GPC5: variants seen among roughly 807,000 people sequenced by gnomAD.
GPC5 encodes the protein glypican-5.
A neutral mutation model predicts 53.9 loss-of-function variants in GPC5; 47 were observed. That is an observed-to-expected ratio of 0.87 (90% confidence interval 0.69 to 1.11). The LOEUF (loss-of-function observed/expected upper bound fraction) is 1.11, where lower values mean the gene tolerates loss of function less well. GPC5 is among the 50% of genes most tolerant of loss of function. The probability of loss-of-function intolerance (pLI) is 0.00; values close to 1 mark genes in which losing one functional copy is unlikely to be tolerated. For synonymous variants in GPC5, 286 were observed against 263.3 expected (o/e 1.09, Z -0.84); for missense variants, 748 against 713.1 (o/e 1.05, Z -0.56).
chr13:92,751,081 T>A (rs1889375677), intron 7 of GPC5, among the ~76,000 whole-genome samples: 1 of 151,890 alleles, frequency 6.6e-6, no homozygotes, highest in African/African-American at 2.4e-5. Context: ...CATGAAAAAT[T>A]GATATATATA....
chr13:91,478,104 T>C (rs141119250), intron 2 of GPC5, among the ~76,000 whole-genome samples: 253 of 152,220 alleles, frequency 1.7e-3, no homozygotes, highest in African/African-American at 5.8e-3. Flanking sequence ...AAATTGTCGT[T>C]AGTTTTTTTT....
At chr13:92,849,058 T>A (rs1878705199) in intron 7 of GPC5, among the ~76,000 whole-genome samples, 1 of 151,990 alleles carries the variant, frequency 6.6e-6, no homozygotes, top group African/African-American at 2.4e-5. Context: ...TAAGATCTTG[T>A]TGACCCAAGG....
At chr13:92,382,968 A>G (rs989301903) in intron 7 of GPC5, among the ~76,000 whole-genome samples, 34 of 146,778 alleles carry the variant, frequency 2.3e-4, no homozygotes, top group Non-Finnish European at 1.0e-4. Context: ...GTGCCACTGC[A>G]CTCCAGCCTG....
intron 7 of GPC5, among the ~76,000 whole-genome samples, chr13:92,264,825 CT>C (rs964493122): frequency 6.1e-5 from 9 of 148,132 alleles, no homozygotes; most frequent in Admixed American, 3.4e-4. Context: ...ATTATTGAAA[CT>C]TTTTTTTGTG....
At chr13:91,461,664 A>G (rs911915187) in intron 2 of GPC5, among the ~76,000 whole-genome samples, 13 of 152,122 alleles carry the variant, frequency 8.5e-5, no homozygotes, top group Non-Finnish European at 1.3e-4. Context: ...TTATTTATTT[A>G]TGGAGGATAT....
At chr13:91,697,341 C>T (rs2035900292) in intron 3 of GPC5, among the ~76,000 whole-genome samples, 1 of 152,224 alleles carries the variant, frequency 6.6e-6, no homozygotes, top group South Asian at 2.1e-4. Context: ...TGGGGTTTCA[C>T]TGTATTGGAC....
chr13:91,791,812 ATG>A (rs1349515700), intron 5 of GPC5, among the ~76,000 whole-genome samples: 3 of 152,162 alleles, frequency 2.0e-5, no homozygotes, highest in Admixed American at 1.3e-4. Context: ...AGATCTGAAT[ATG>A]GTTACTCAGG....
chr13:92,113,913 A>G (rs1594768550), intron 6 of GPC5, among the ~76,000 whole-genome samples: 1 of 152,326 alleles, frequency 6.6e-6, no homozygotes, highest in African/African-American at 2.4e-5. Context: ...AACATTTGGT[A>G]TCATTGTTGC....
intron 7 of GPC5, among the ~76,000 whole-genome samples, chr13:92,543,313 G>T (rs1295541745): frequency 6.6e-6 from 1 of 151,806 alleles, no homozygotes; most frequent in Non-Finnish European, 1.5e-5. Context: ...CTCACAATTT[G>T]TTTCTCTCTC....
intron 3 of GPC5, among the ~76,000 whole-genome samples, chr13:91,725,746 C>A (rs1450977731): frequency 2.0e-5 from 3 of 152,092 alleles, no homozygotes; most frequent in African/African-American, 7.2e-5. Flanking sequence ...CAATAAATAG[C>A]AGTTACAATC....
chr13:92,282,821 A>G (rs2042926256), intron 7 of GPC5, among the ~76,000 whole-genome samples: 2 of 152,318 alleles, frequency 1.3e-5, no homozygotes, highest in Admixed American at 6.5e-5. Flanking sequence ...ATGCTAGGAA[A>G]AAACTACATC....
At chr13:92,187,462 A>G (rs1398168512) in intron 7 of GPC5, among the ~76,000 whole-genome samples, 1 of 152,240 alleles carries the variant, frequency 6.6e-6, no homozygotes, top group Non-Finnish European at 1.5e-5. Flanking sequence ...GCCATATGAT[A>G]GGGTGAATGA....
chr13:91,673,088 G>C (rs1436409973), intron 2 of GPC5, among the ~76,000 whole-genome samples: 1 of 152,076 alleles, frequency 6.6e-6, no homozygotes, highest in African/African-American at 2.4e-5. Flanking sequence ...TGGGGGTTAG[G>C]GGGTGAGGGG....
chr13:92,227,824 C>G (rs891387520), intron 7 of GPC5, among the ~76,000 whole-genome samples: 8 of 151,830 alleles, frequency 5.3e-5, no homozygotes, highest in African/African-American at 1.7e-4. Flanking sequence ...CACAGTGGTA[C>G]AATAGGTAAT....
chr13:92,631,429 T>C (rs954040704), intron 7 of GPC5, among the ~76,000 whole-genome samples: 5 of 152,256 alleles, frequency 3.3e-5, no homozygotes, highest in African/African-American at 1.2e-4. Context: ...ATGCTAGCTA[T>C]GTAATAAATG....
At chr13:92,012,470 C>A (rs1395775315) in intron 6 of GPC5, among the ~76,000 whole-genome samples, 3 of 151,852 alleles carry the variant, frequency 2.0e-5, no homozygotes, top group Non-Finnish European at 2.9e-5. Flanking sequence ...GAGAAAATCA[C>A]AAATAGTTGT....
At chr13:92,136,220 A>T (rs1183242551) in intron 6 of GPC5, among the ~76,000 whole-genome samples, 2 of 152,224 alleles carry the variant, frequency 1.3e-5, no homozygotes, top group African/African-American at 4.8e-5. Flanking sequence ...TTCTAATTTT[A>T]AAATATTACG....
chr13:91,448,224 A>G (rs1880935048), intron 1 of GPC5, among the ~76,000 whole-genome samples: 1 of 152,212 alleles, frequency 6.6e-6, no homozygotes, highest in Admixed American at 6.5e-5. Flanking sequence ...GCTTGGGCCC[A>G]TGGGGGCCTT....
chr13:92,019,399 G>A (rs1450271763), intron 6 of GPC5, among the ~76,000 whole-genome samples: 1 of 152,098 alleles, frequency 6.6e-6, no homozygotes, highest in Non-Finnish European at 1.5e-5. Context: ...TATTGCATAG[G>A]TGTATGTGAA....
Sources: gnomAD v4.1 joint callset for allele counts (sites outside exome capture counted in the v4.1 genomes callset) on GRCh38, gnomAD v4.1.1 for gene constraint, MANE v1.5 for transcripts, NCBI Gene and HGNC (gene_info 2026-07-23, HGNC 2026-07-21) for gene names.